SEMA5A: variants seen among roughly 807,000 people sequenced by gnomAD.
SEMA5A encodes the protein semaphorin 5A.
A neutral mutation model predicts 135.5 loss-of-function variants in SEMA5A; 55 were observed. That is an observed-to-expected ratio of 0.41 (90% CI 0.33 to 0.51). SEMA5A has a LOEUF of 0.51. Among genes scored for constraint, SEMA5A ranks in the 20% least tolerant of loss-of-function variants. The probability of loss-of-function intolerance (pLI) is 0.37; values close to 1 mark genes in which losing one functional copy is unlikely to be tolerated. For synonymous variants in SEMA5A, 580 were observed against 546.5 expected (o/e 1.06, Z -0.85); for missense variants, 1,290 against 1,419.9 (o/e 0.91, Z 1.47).
intron 2 of SEMA5A, among the ~76,000 whole-genome samples, chr5:9,413,505 T>A (rs1757176309): frequency 6.6e-6 from 1 of 152,104 alleles, no homozygotes; most frequent in African/African-American, 2.4e-5. Context: ...GGCAAAGCCT[T>A]CTGGTATATT....
chr5:9,169,655 A>T (rs1422401024), intron 11 of SEMA5A, among the ~76,000 whole-genome samples: 1 of 151,352 alleles, frequency 6.6e-6, no homozygotes, highest in Non-Finnish European at 1.5e-5. Flanking sequence ...ACGCTCTCCC[A>T]CTCTCCTCTC....
chr5:9,355,867 C>T (rs2126335041), intron 3 of SEMA5A, among the ~76,000 whole-genome samples: 1 of 152,348 alleles, frequency 6.6e-6, no homozygotes. Context: ...ATAAAGCCCA[C>T]ATCCCTGCAT....
rs1752475007 is a variant in SEMA5A, at chr5:9,318,222, G to C, written c.270+150C>G. On this transcript the variant is annotated intron_variant, in intron 5 of 22. Coordinates refer to ENST00000382496, the MANE Select transcript of SEMA5A (RefSeq NM_003966.3). ...GAGGTAATGACTCGTAACAAGTAGG[G>C]CCGCCTTAGTCCCGTGGCCTGACCT... The C allele has an allele frequency of 1.2e-5, 7 of 572,186 alleles. No homozygotes were observed. In the South Asian group the frequency reaches 2.2e-4, roughly 18 times the overall value. 35.4% of individuals were successfully genotyped at this position (572,186 alleles called of 1,614,324 possible).
intron 1 of SEMA5A, among the ~76,000 whole-genome samples, chr5:9,533,010 C>G (rs1444375032): frequency 6.6e-6 from 1 of 152,192 alleles, no homozygotes; most frequent in Non-Finnish European, 1.5e-5. Flanking sequence ...CCTCCAACCC[C>G]CATGCTTACA....
intron 1 of SEMA5A, among the ~76,000 whole-genome samples, chr5:9,482,874 A>G (rs888308307): frequency 6.6e-6 from 1 of 152,200 alleles, no homozygotes; most frequent in African/African-American, 2.4e-5. Context: ...TTTCCTGATC[A>G]TTTAGTCTCA....
At chr5:9,178,872 G>A (rs929411759) in intron 11 of SEMA5A, among the ~76,000 whole-genome samples, 1 of 152,090 alleles carries the variant, frequency 6.6e-6, no homozygotes, top group African/African-American at 2.4e-5. Context: ...TCTCATAACT[G>A]AATTTTCCAG....
intron 6 of SEMA5A, 147 bp downstream of exon 6, chr5:9,237,681 A>G (rs1747982853): frequency 1.9e-6 from 1 of 515,618 alleles, no homozygotes; most frequent in African/African-American, 1.9e-5. Context: ...TAAAAACTTG[A>G]GAATATACCG....
At chr5:9,405,182 A>G (rs1482681540) in intron 2 of SEMA5A, among the ~76,000 whole-genome samples, 1 of 152,240 alleles carries the variant, frequency 6.6e-6, no homozygotes, top group Admixed American at 6.5e-5. Context: ...CACATGTTAC[A>G]GCATTTCTGC....
At chr5:9,265,012 T>C (rs890871223) in intron 5 of SEMA5A, among the ~76,000 whole-genome samples, 21 of 152,180 alleles carry the variant, frequency 1.4e-4, no homozygotes, top group African/African-American at 4.8e-4. Flanking sequence ...CTTCTAATCT[T>C]ACTTTGGGAG....
At chr5:9,441,623 A>G (rs1758238387) in intron 1 of SEMA5A, among the ~76,000 whole-genome samples, 1 of 152,218 alleles carries the variant, frequency 6.6e-6, no homozygotes, top group Admixed American at 6.5e-5. Context: ...TCACAGACAG[A>G]AATCTGGCCT....
chr5:9,210,868 T>C (rs1317861964), intron 8 of SEMA5A, among the ~76,000 whole-genome samples: 1 of 152,204 alleles, frequency 6.6e-6, no homozygotes, highest in East Asian at 1.9e-4. Flanking sequence ...GACTCTTCCT[T>C]GCGGGTGGTG....
intron 20 of SEMA5A, 74 bp downstream of exon 20, chr5:9,051,799 C>G: frequency 6.3e-7 from 1 of 1,582,594 alleles, no homozygotes; most frequent in South Asian, 1.1e-5. Context: ...AAATAAAACT[C>G]TGACCTATGA....
At chr5:9,163,429 A>T (rs1377649435) in intron 11 of SEMA5A, among the ~76,000 whole-genome samples, 1 of 152,180 alleles carries the variant, frequency 6.6e-6, no homozygotes, top group Non-Finnish European at 1.5e-5. Flanking sequence ...TCTGGGGGAA[A>T]ATAGCTGCTA....
intron 2 of SEMA5A, among the ~76,000 whole-genome samples, chr5:9,405,448 A>C (rs1275355992): frequency 6.6e-6 from 1 of 152,206 alleles, no homozygotes; most frequent in Non-Finnish European, 1.5e-5. Flanking sequence ...TGTCAGCTTC[A>C]TTCAGTCTCA....
At chr5:9,529,720 G>T (rs2126319125) in intron 1 of SEMA5A, among the ~76,000 whole-genome samples, 1 of 152,248 alleles carries the variant, frequency 6.6e-6, no homozygotes, top group African/African-American at 2.4e-5. Context: ...AAATCCATGG[G>T]TATATGAAAG....
intron 11 of SEMA5A, among the ~76,000 whole-genome samples, chr5:9,180,826 T>G (rs1177007250): frequency 2.0e-5 from 3 of 152,102 alleles, no homozygotes; most frequent in Non-Finnish European, 4.4e-5. Flanking sequence ...AGAAACAGAA[T>G]TTTAGCATTT....
intron 1 of SEMA5A, among the ~76,000 whole-genome samples, chr5:9,537,954 TC>T (rs999177922): frequency 9.9e-5 from 15 of 152,024 alleles, no homozygotes; most frequent in African/African-American, 3.4e-4. Flanking sequence ...AAGTAAACAC[TC>T]CCATGGAAAG....
intron 3 of SEMA5A, among the ~76,000 whole-genome samples, chr5:9,355,155 T>C (rs1411632167): frequency 6.6e-6 from 1 of 151,772 alleles, no homozygotes; most frequent in African/African-American, 2.4e-5. Context: ...CAGACAAGAG[T>C]GGGTGTGGCT....
chr5:9,392,885 T>C (rs938436354), intron 2 of SEMA5A, among the ~76,000 whole-genome samples: 3 of 152,224 alleles, frequency 2.0e-5, no homozygotes, highest in South Asian at 2.1e-4. Context: ...ATTTTAGCCA[T>C]TGAGCAGTGC....
Sources: allele counts gnomAD v4.1 joint callset (sites outside exome capture counted in the v4.1 genomes callset), GRCh38; gene constraint gnomAD v4.1.1; transcripts MANE v1.5; gene names NCBI Gene and HGNC (gene_info 2026-07-23, HGNC 2026-07-21).